ZNF562: variants seen among roughly 807,000 people sequenced by gnomAD.
The protein encoded by ZNF562 is zinc finger protein 562.
A neutral mutation model predicts 17.5 loss-of-function variants in ZNF562; 13 were observed. That is an observed-to-expected ratio of 0.74 (90% CI 0.48 to 1.18). The LOEUF is 1.18. ZNF562 is among the 50% of genes most tolerant of loss of function. The probability of loss-of-function intolerance (pLI) is 0.00; values close to 1 mark genes in which losing one functional copy is unlikely to be tolerated. For synonymous variants in ZNF562, 163 were observed against 165.4 expected, an observed-to-expected ratio of 0.99 and a Z score of 0.11; for missense variants, 481 against 498.5, an observed-to-expected ratio of 0.96 and a Z score of 0.33.
At chr19:9,669,712 GCGCGAGCGCGCGCGCGCGCGCGCA>G (rs2044079444) in intron 1 of ZNF562, among the ~76,000 whole-genome samples, 2 of 83,860 alleles carry the variant, frequency 2.4e-5, no homozygotes, top group Non-Finnish European at 2.1e-5. Flanking sequence ...GCATGCACGC[GCGCGAGCGCGCGCGCGCGCGCGCA>G]CACACACACA....
intron 1 of ZNF562, among the ~76,000 whole-genome samples, chr19:9,665,962 T>C (rs1177061071): frequency 6.7e-6 from 1 of 149,488 alleles, no homozygotes. Flanking sequence ...TAAGCCATAA[T>C]CACACCACTG....
chr19:9,657,538 G>C (rs1411730596), intron 4 of ZNF562, among the ~76,000 whole-genome samples: 1 of 149,326 alleles, frequency 6.7e-6, no homozygotes, highest in African/African-American at 2.5e-5. Context: ...AGGCAAAGTG[G>C]ATCTTTAAAA....
intron 1 of ZNF562, chr19:9,674,566 A>G (rs1173745854): frequency 2.6e-5 from 4 of 151,964 alleles, no homozygotes; most frequent in African/African-American, 9.7e-5. Context: ...TTCTCAGATG[A>G]GACATTTTTT....
rs943495816 is a variant in ZNF562 at position 9,652,156 on chromosome 19, G to A, written c.*793C>T. 5 of 152,140 alleles carry A rather than the reference G, an allele frequency of 3.3e-5. No individual in the cohort carries two copies. Among genetic ancestry groups the A allele is most frequent in the Admixed American group, 3.3e-4 (5 of 15,262 alleles). 9.4% of individuals were successfully genotyped at this position (152,140 alleles called of 1,614,324 possible). On this transcript the variant is annotated 3_prime_UTR_variant, in exon 6 of 6. Transcript: ENST00000453372. ...CTTAACAGAAGTGAGAAGAGAGACT[G>A]GATTATACTATAAGAGACACTGCCA...
At position 9,649,959 on chromosome 19, in the gene ZNF562, C is replaced by G. The variant is rs2074844743; in HGVS notation, c.*2990G>C. 6.6e-6 allele frequency: 1 copy of G among 152,138 alleles called. No homozygotes were observed. Among genetic ancestry groups the G allele is most frequent in the South Asian group, 2.1e-4 (1 of 4,826 alleles). The allele number at this position is 152,138 out of a possible 1,614,324, so 9.4% of individuals were successfully genotyped here. On this transcript the variant is annotated 3_prime_UTR_variant, in exon 6 of 6. Coordinates refer to ENST00000453372, the MANE Select transcript of ZNF562 (RefSeq NM_001130031.2). ...CCCCGGACACCCAGCTTTAAAATTT[C>G]TCTCTTTTGTACTCTGTCCCTTTAT...
At position 9,642,343 on chromosome 19, in the gene ZNF562, C is replaced by T. The variant is rs2074778007; in HGVS notation, c.*10606G>A. The T allele has an allele frequency of 6.6e-6, 1 of 150,796 alleles. No individual in the cohort carries two copies. Among genetic ancestry groups the T allele is most frequent in the Non-Finnish European group, 1.5e-5 (1 of 67,862 alleles). 9.3% of individuals were successfully genotyped at this position (150,796 alleles called of 1,614,324 possible). ...TGTCACACAGGCTGAAGTATAGTGG[C>T]ATTATCATGGCTCACTGCAGCCTTT... On this transcript the variant is annotated 3_prime_UTR_variant, in exon 6 of 6. Coordinates refer to ENST00000453372, the MANE Select transcript of ZNF562 (RefSeq NM_001130031.2).
chr19:9,645,000 A>C lies in ZNF562; in HGVS notation c.*7949T>G, dbSNP rs868130104. On this transcript the variant is annotated 3_prime_UTR_variant, in exon 6 of 6. Transcript: ENST00000453372. Reference sequence around the variant, plus strand: ...TACGAATTCAAATCTTGATTTTCTCATTGCAGCTCATAGTGGGAGATGCCC... The same window carrying C: ...TACGAATTCAAATCTTGATTTTCTCCTTGCAGCTCATAGTGGGAGATGCCC... The C allele has an allele frequency of 6.9e-4, 104 of 151,568 alleles. No individual in the cohort carries two copies. Among genetic ancestry groups the C allele is most frequent in the African/African-American group, 2.4e-3 (101 of 41,304 alleles). 9.4% of individuals were successfully genotyped at this position (151,568 alleles called of 1,614,324 possible). A position where few individuals can be genotyped will look rare whatever the true frequency, so the allele number is the denominator to read the frequency against.
chr19:9,672,034 G>A (rs10401755), intron 1 of ZNF562, among the ~76,000 whole-genome samples: 19,069 of 152,166 alleles, frequency 0.13, 1,426 homozygotes, highest in Admixed American at 0.23. Flanking sequence ...ATGAAATAAA[G>A]GAATATTTAC....
chr19:9,663,890 A>G (rs1239575650), intron 1 of ZNF562, among the ~76,000 whole-genome samples: 1 of 151,892 alleles, frequency 6.6e-6, no homozygotes, highest in Non-Finnish European at 1.5e-5. Context: ...AGCTGGGATT[A>G]CAGGTGCATG....
chr19:9,663,484 T>G (rs938791177), intron 1 of ZNF562, among the ~76,000 whole-genome samples: 3 of 151,328 alleles, frequency 2.0e-5, no homozygotes, highest in African/African-American at 7.3e-5. Flanking sequence ...ACTGCATAAA[T>G]TTTCCTTCCT....
In ZNF562 at chr19:9,659,467, C is replaced by T; in HGVS notation, c.26G>A (p.Gly9Glu). The change falls in exon 3 of 6, where the codon GGG becomes GAG. Residue 9 changes from glycine (G) to glutamate (E), a missense_variant and splice_region_variant. Physicochemically the swap from Gly to Glu is moderately conservative, Grantham distance 98 (BLOSUM62 -2). Around this residue, in one of 2 missense-constraint regions of ZNF562, gnomAD observed 403 missense variants for 386.4 expected, o/e 1.04. Transcript: ENST00000453372. MSAFDMSH[G>E]FFPREPICPF... ...ACAGATTGGTTCCCTGGGAAAAAAC[C>T]CTAGTGGAAAAGTAAGAAGGCATGA... is the stretch of plus-strand genomic sequence containing the variant. The T allele has an allele frequency of 1.9e-6, 3 of 1,550,712 alleles. No individual in the cohort carries two copies. The highest frequency in any genetic ancestry group is 2.6e-6 in the Non-Finnish European group (3 of 1,146,672).
At chr19:9,657,027 G>A (rs573533273) in intron 4 of ZNF562, among the ~76,000 whole-genome samples, 17 of 148,694 alleles carry the variant, frequency 1.1e-4, no homozygotes, top group African/African-American at 3.0e-4. Flanking sequence ...GTGACAGAAC[G>A]AGACTCCATC....
Position 9,658,124 on chromosome 19 carries a change from C to G in ZNF562, c.126G>C (p.Thr42=). The G allele has an allele frequency of 2.5e-6, 4 of 1,613,224 alleles. No individual in the cohort carries two copies. Among genetic ancestry groups the G allele is most frequent in the Non-Finnish European group, 3.4e-6 (4 of 1,179,528 alleles). ...HRSNSYQDSV[T]FDDVAVEFTP... Reference sequence around the variant, plus strand: ...TGAACTCCACAGCCACATCATCAAACGTCACTGAATCCTAAGTCATCAAAC... The same window carrying G: ...TGAACTCCACAGCCACATCATCAAAGGTCACTGAATCCTAAGTCATCAAAC... The change falls in exon 4 of 6, where the codon ACG becomes ACC. Residue 42 remains threonine, a synonymous_variant. Transcript: ENST00000453372.
rs1309903635 is a variant in ZNF562, at chr19:9,658,506, C to T, written c.115-371G>A. The T allele has an allele frequency of 6.5e-5, 15 of 230,388 alleles. No individual in the cohort carries two copies. The Admixed American group carries it at 8.5e-4, about 13-fold the overall frequency. The allele number at this position is 230,388 out of a possible 1,614,324, so 14.3% of individuals were successfully genotyped here. A position where few individuals can be genotyped will look rare whatever the true frequency, so the allele number is the denominator to read the frequency against. ...ATGGGATTACAGGCATGCAACATCACGCCTGGATAATTTTTGTATTTTTAG... is the reference window on the plus strand; with the variant it reads ...ATGGGATTACAGGCATGCAACATCATGCCTGGATAATTTTTGTATTTTTAG... On this transcript the variant is annotated intron_variant, in intron 3 of 5. Transcript: ENST00000453372.
In ZNF562 at chr19:9,648,033, C is replaced by G. The variant is rs530986031; in HGVS notation, c.*4916G>C. On this transcript the variant is annotated 3_prime_UTR_variant, in exon 6 of 6. Coordinates refer to ENST00000453372, the MANE Select transcript of ZNF562 (RefSeq NM_001130031.2). Reference sequence around the variant, plus strand: ...GTGCTGGGATTACAGGCCTGAGCCACTATTCCCAACCTAGATGACTCTTAT... The same window carrying G: ...GTGCTGGGATTACAGGCCTGAGCCAGTATTCCCAACCTAGATGACTCTTAT... 6.6e-6 allele frequency: 1 copy of G among 152,304 alleles called. No individual in the cohort carries two copies. Among genetic ancestry groups the G allele is most frequent in the East Asian group, 1.9e-4 (1 of 5,182 alleles). The allele number at this position is 152,304 out of a possible 1,614,324, so 9.4% of individuals were successfully genotyped here.
chr19:9,671,496 G>A (rs2044196494), intron 1 of ZNF562, among the ~76,000 whole-genome samples: 1 of 152,176 alleles, frequency 6.6e-6, no homozygotes, highest in Non-Finnish European at 1.5e-5. Context: ...AAAAAACCCA[G>A]CATGGAGGTT....
At chr19:9,657,769 G>A (rs773639784) in intron 4 of ZNF562, among the ~76,000 whole-genome samples, 2 of 151,928 alleles carry the variant, frequency 1.3e-5, no homozygotes, top group Non-Finnish European at 2.9e-5. Flanking sequence ...GGCTGGTCTT[G>A]ATTTCCTGAC....
intron 2 of ZNF562, 36 bp from the exon 3 acceptor site, chr19:9,659,503 C>T: frequency 6.5e-7 from 1 of 1,545,266 alleles, no homozygotes; most frequent in South Asian, 1.2e-5. Flanking sequence ...GAAGCCAGAG[C>T]TGCCCACATT....
intron 5 of ZNF562, among the ~76,000 whole-genome samples, chr19:9,656,053 G>A (rs545933774): frequency 2.6e-5 from 4 of 152,112 alleles, no homozygotes; most frequent in East Asian, 3.9e-4. Flanking sequence ...ATCAGAGATG[G>A]TATATTGCTA....
Sources: allele counts gnomAD v4.1 joint callset (sites outside exome capture counted in the v4.1 genomes callset), GRCh38; gene constraint gnomAD v4.1.1; regional missense constraint gnomAD v4.1.1; transcripts MANE v1.5; gene names NCBI Gene and HGNC (gene_info 2026-07-23, HGNC 2026-07-21).